The following SNX16 variants were observed in gnomAD, a reference collection of about 807,000 sequenced individuals.
SNX16 encodes sorting nexin-16.
Under a neutral mutation model 36.7 loss-of-function variants are expected in SNX16, and 35 were observed. That is an observed-to-expected ratio of 0.95 (90% CI 0.73 to 1.27). The LOEUF is 1.27. Among genes scored for constraint, SNX16 ranks in the 50% most tolerant of loss-of-function variants. The pLI is 0.00. For missense variants in SNX16, 367 were observed against 393.6 expected (o/e 0.93, Z 0.57); for synonymous variants, 134 against 132.0 (o/e 1.02, Z -0.10).
chr8:81,831,825 C>A (rs906518391), intron 2 of SNX16, among the ~76,000 whole-genome samples: 1 of 151,570 alleles, frequency 6.6e-6, no homozygotes, highest in Non-Finnish European at 1.5e-5. Flanking sequence ...AAATGCTCAA[C>A]AACACTACTC....
intron 2 of SNX16, among the ~76,000 whole-genome samples, chr8:81,831,595 G>A (rs1811270082): frequency 6.6e-6 from 1 of 151,606 alleles, no homozygotes; most frequent in Non-Finnish European, 1.5e-5. Context: ...CTACTCGGGA[G>A]GCTGAGATGG....
At chr8:81,829,592 T>TA in intron 2 of SNX16, 76 bp from the exon 3 acceptor site, 1 of 554,252 alleles carries the variant, frequency 1.8e-6, no homozygotes, top group Non-Finnish European at 2.8e-6. Flanking sequence ...CCAAATATTT[T>TA]AAAAAATTTT....
chr8:81,832,615 A>C (rs563986371), intron 2 of SNX16, among the ~76,000 whole-genome samples: 21 of 152,154 alleles, frequency 1.4e-4, no homozygotes, highest in Non-Finnish European at 2.8e-4. Flanking sequence ...CAACTGAATA[A>C]AATTTACATT....
intron 4 of SNX16, 69 bp downstream of exon 4, chr8:81,823,721 TAG>T: frequency 7.4e-7 from 1 of 1,347,028 alleles, no homozygotes; most frequent in Non-Finnish European, 1.0e-6. Context: ...ACTATGATCA[TAG>T]ATTTATTCTT....
At chr8:81,830,544 C>T (rs1811209771) in intron 2 of SNX16, among the ~76,000 whole-genome samples, 1 of 147,210 alleles carries the variant, frequency 6.8e-6, no homozygotes, top group Non-Finnish European at 1.5e-5. Flanking sequence ...GCACTCCAGC[C>T]TGGGTGACGA....
chr8:81,813,583 TAA>T (rs761625779), intron 5 of SNX16, among the ~76,000 whole-genome samples: 4 of 151,670 alleles, frequency 2.6e-5, no homozygotes, highest in Non-Finnish European at 4.4e-5. Context: ...AGTGATAAAA[TAA>T]ATTCATTAAA....
Position 81,799,781 on chromosome 8 carries a change from A to G in SNX16, c.*1716T>C, listed in dbSNP as rs1454676460. The G allele has an allele frequency of 2.0e-5, 3 of 151,998 alleles. No homozygotes were observed. Among genetic ancestry groups the G allele is most frequent in the African/African-American group, 7.2e-5 (3 of 41,440 alleles). 9.4% of individuals were successfully genotyped at this position (151,998 alleles called of 1,614,324 possible). A position where few individuals can be genotyped will look rare whatever the true frequency, so the allele number is the denominator to read the frequency against. On this transcript the variant is annotated 3_prime_UTR_variant, in exon 8 of 8. Coordinates refer to ENST00000345957, the MANE Select transcript of SNX16 (RefSeq NM_152836.3). ...AAGTGGCTGGTTCGCTTTAGAACAGACAGGCAACACTATAATATCTAGAAT... is the reference window on the plus strand; with the variant it reads ...AAGTGGCTGGTTCGCTTTAGAACAGGCAGGCAACACTATAATATCTAGAAT...
chr8:81,810,736 T>A (rs1041188085), intron 5 of SNX16, among the ~76,000 whole-genome samples: 2 of 152,170 alleles, frequency 1.3e-5, no homozygotes, highest in Admixed American at 1.3e-4. Flanking sequence ...TCTGGAGACA[T>A]TTTTACTTGT....
chr8:81,836,590 T>C (rs1042102654), intron 2 of SNX16, among the ~76,000 whole-genome samples: 2 of 152,154 alleles, frequency 1.3e-5, no homozygotes, highest in African/African-American at 4.8e-5. Context: ...CACACTCCAC[T>C]TCCAAATCAT....
At chr8:81,816,987 C>G (rs1329234610) in intron 4 of SNX16, among the ~76,000 whole-genome samples, 3 of 152,140 alleles carry the variant, frequency 2.0e-5, no homozygotes, top group Non-Finnish European at 4.4e-5. Flanking sequence ...AGAACAAGGT[C>G]TTCTGATGTA....
chr8:81,801,537 A>G lies in SNX16; in HGVS notation c.995T>C (p.Ile332Thr). 1 of 1,594,934 alleles carries G rather than the reference A, an allele frequency of 6.3e-7. No homozygotes were observed. Residue 332 changes from isoleucine (I) to threonine (T), a missense_variant, in exon 8 of 8, where the codon ATA becomes ACA. Physicochemically the swap from Ile to Thr is moderately conservative, Grantham distance 89. Coordinates refer to ENST00000345957, the MANE Select transcript of SNX16 (RefSeq NM_152836.3). ...ATCATATGCCACTTCTGCTACTTCT[A>G]TCTCTGATACAGCATTTTCAGGTTC... ...FSEPENAVSE[I>T]EVAEVAYDAE...
intron 4 of SNX16, among the ~76,000 whole-genome samples, chr8:81,821,051 T>C (rs906207027): frequency 2.0e-5 from 3 of 150,778 alleles, no homozygotes; most frequent in African/African-American, 4.9e-5. Flanking sequence ...GAGGTTATCT[T>C]CCTGCATTCC....
chr8:81,816,202 G>A (rs1027301616), intron 4 of SNX16, among the ~76,000 whole-genome samples: 7 of 105,376 alleles, frequency 6.6e-5, no homozygotes, highest in African/African-American at 2.2e-4. Context: ...TTTTTAAGAC[G>A]AGTCTCGCTC....
At chr8:81,821,283 G>A (rs1810729472) in intron 4 of SNX16, among the ~76,000 whole-genome samples, 2 of 151,876 alleles carry the variant, frequency 1.3e-5, no homozygotes, top group Non-Finnish European at 2.9e-5. Flanking sequence ...CTTTAGAAAT[G>A]ACAGGATCTC....
At chr8:81,815,122 T>G (rs572592090) in intron 5 of SNX16, 1 of 308,348 alleles carries the variant, frequency 3.2e-6, no homozygotes, top group Admixed American at 4.5e-5. Context: ...AAGACATATA[T>G]GAATTTTTAC....
chr8:81,838,005 C>A (rs1811566639), intron 2 of SNX16, among the ~76,000 whole-genome samples: 2 of 152,016 alleles, frequency 1.3e-5, no homozygotes, highest in East Asian at 3.9e-4. Flanking sequence ...ACTAAAAGAA[C>A]AAAGTCTTAC....
intron 5 of SNX16, among the ~76,000 whole-genome samples, chr8:81,813,232 G>C (rs1810341851): frequency 6.6e-6 from 1 of 151,778 alleles, no homozygotes; most frequent in African/African-American, 2.4e-5. Flanking sequence ...TAATAGAGCT[G>C]CAGTAAACAA....
At chr8:81,832,595 C>CA (rs1372022874) in intron 2 of SNX16, among the ~76,000 whole-genome samples, 1 of 151,482 alleles carries the variant, frequency 6.6e-6, no homozygotes, top group Non-Finnish European at 1.5e-5. Flanking sequence ...CTTGAAATAC[C>CA]AAAAAACCCC....
rs144650905 is a variant in SNX16 at position 81,828,971 on chromosome 8, A to G, written c.462+459T>C. 1.1e-4 allele frequency among the ~76,000 whole-genome samples: 17 copies of G among 152,296 alleles called. No homozygotes were observed. In the East Asian group the frequency reaches 2.7e-3, roughly 24 times the overall value. ...GGTAATTCTCCTCCAGAGCCTCCAG[A>G]TAAGTGCCCAGCCCAGCTAACAGCT... On this transcript the variant is annotated intron_variant, in intron 3 of 7. Transcript: ENST00000345957.
Sources: gnomAD v4.1 joint callset for allele counts (sites outside exome capture counted in the v4.1 genomes callset) on GRCh38, gnomAD v4.1.1 for gene constraint, MANE v1.5 for transcripts, NCBI Gene and HGNC (gene_info 2026-07-23, HGNC 2026-07-21) for gene names.